SYNE2: variants seen among roughly 807,000 people sequenced by gnomAD.
The protein encoded by SYNE2 is spectrin repeat containing nuclear envelope protein 2.
In SYNE2, 431 loss-of-function variants were observed where a neutral mutation model predicts 856.3. That is an observed-to-expected ratio of 0.50 (90% confidence interval 0.47 to 0.55). The LOEUF is 0.55. Among genes scored for constraint, SYNE2 ranks in the 20% least tolerant of loss-of-function variants. The pLI is 0.00. For missense variants in SYNE2, 8,129 were observed against 8,023.2 expected (o/e 1.01, Z -0.50); for synonymous variants, 2,923 against 2,872.3 (o/e 1.02, Z -0.56).
At chr14:63,837,286 A>C (rs530767482) in intron 1 of SYNE2, among the ~76,000 whole-genome samples, 1 of 152,312 alleles carries the variant, frequency 6.6e-6, no homozygotes, top group East Asian at 1.9e-4. Context: ...CAATACACAA[A>C]AATTAACTGA....
rs919729451 is a variant in SYNE2, at chr14:63,867,704, A to G, written c.-52+14561A>G. On this transcript the variant is annotated intron_variant, in intron 1 of 115. Coordinates refer to ENST00000555002, the MANE Select transcript of SYNE2 (RefSeq NM_182914.3). ...CAGAGCGAGACTCTGTCTCAAAAAA[A>G]GAATAAAAAGAATAAAAAGAATGAA... 2.7e-4 allele frequency among the ~76,000 whole-genome samples: 39 copies of G among 144,310 alleles called. 1 individual carries two copies. The highest frequency in any genetic ancestry group is 9.3e-4 in the African/African-American group (38 of 40,848). 94.7% of individuals were successfully genotyped at this position (144,310 alleles called of 152,430 possible). A position where few individuals can be genotyped will look rare whatever the true frequency, so the allele number is the denominator to read the frequency against.
rs759636816 is a variant in SYNE2 at position 64,134,063 on chromosome 14, C to A, written c.14515-6C>A. 1 of 1,613,842 alleles carries A rather than the reference C, an allele frequency of 6.2e-7. No individual in the cohort carries two copies. Among genetic ancestry groups the A allele is most frequent in the East Asian group, 2.2e-5 (1 of 44,854 alleles). ...TTCCACTAATTTTATGTCCTTGATT[C>A]TCTAGAAATGGGAAGAATTTGATGA... is the stretch of plus-strand genomic sequence containing the variant. On this transcript the variant is annotated splice_region_variant and splice_polypyrimidine_tract_variant and intron_variant, in intron 77 of 115. Transcript: ENST00000555002.
chr14:64,189,932 G>C (rs1468152081), intron 98 of SYNE2, 139 bp from the exon 99 acceptor site: 3 of 945,044 alleles, frequency 3.2e-6, no homozygotes, highest in Non-Finnish European at 4.8e-6. Flanking sequence ...CAAACTGCTG[G>C]GATTATTGGT....
intron 1 of SYNE2, among the ~76,000 whole-genome samples, chr14:63,860,306 G>T (rs1440167614): frequency 6.6e-6 from 1 of 151,566 alleles, no homozygotes; most frequent in Non-Finnish European, 1.5e-5. Flanking sequence ...GTTCTGCAGG[G>T]TGCACTGCCT....
chr14:63,771,122 C>T (rs111292627), intron 1 of SYNE2, among the ~76,000 whole-genome samples: 4,441 of 139,550 alleles, frequency 0.032, 221 homozygotes, highest in African/African-American at 0.11. Context: ...CAGGCGGGAG[C>T]GCAGTGGCGC....
At chr14:63,882,741 GTTAC>G (rs1268942361) in intron 1 of SYNE2, among the ~76,000 whole-genome samples, 1 of 152,016 alleles carries the variant, frequency 6.6e-6, no homozygotes, top group Non-Finnish European at 1.5e-5. Flanking sequence ...CAAAAAAACA[GTTAC>G]TTGTGGAAAG....
chr14:63,837,614 A>G (rs962565886), intron 1 of SYNE2, among the ~76,000 whole-genome samples: 12 of 152,154 alleles, frequency 7.9e-5, no homozygotes, highest in Non-Finnish European at 1.6e-4. Flanking sequence ...AAACAATTCA[A>G]TTTAAAAAAT....
Position 64,122,108 on chromosome 14 carries a change from G to C in SYNE2, c.13255G>C (p.Asp4419His), listed in dbSNP as rs774059513. ...MWPQYCQHDNDTTQESSASNQ... is the reference protein window; with the variant it reads ...MWPQYCQHDNHTTQESSASNQ... ...GCCCCAGTATTGCCAACATGATAACGATACAACTCAGGAATCATCTGCAAG... is the reference window on the plus strand; with the variant it reads ...GCCCCAGTATTGCCAACATGATAACCATACAACTCAGGAATCATCTGCAAG... Residue 4419 changes from aspartate to histidine, a missense_variant, in exon 69 of 116, where the codon GAT (aspartate) becomes CAT (histidine). By Grantham distance (81) the Asp-to-His change is moderately conservative. Transcript: ENST00000555002. The C allele has an allele frequency of 2.5e-6, 4 of 1,614,062 alleles. No individual in the cohort carries two copies. The highest frequency in any genetic ancestry group is 1.7e-5 in the Admixed American group (1 of 60,028).
intron 66 of SYNE2, among the ~76,000 whole-genome samples, chr14:64,118,373 A>G (rs112969208): frequency 2.6e-5 from 4 of 152,294 alleles, no homozygotes; most frequent in African/African-American, 4.8e-5. Flanking sequence ...ATATTTTTAG[A>G]TTTGTGTGAA....
chr14:63,885,225 A>G (rs1399775477), intron 1 of SYNE2, among the ~76,000 whole-genome samples: 2 of 152,090 alleles, frequency 1.3e-5, no homozygotes, highest in African/African-American at 4.8e-5. Flanking sequence ...TCCAGAGCTC[A>G]CCATGGGGTT....
In SYNE2 at chr14:64,225,415, G is replaced by A; in HGVS notation, c.20613G>A (p.Leu6871=). 6.2e-7 allele frequency: 1 copy of A among 1,614,052 alleles called. No individual in the cohort carries two copies. Among genetic ancestry groups the A allele is most frequent in the Non-Finnish European group, 8.5e-7 (1 of 1,179,970 alleles). The part of the protein sequence containing the change: ...LQLLLLLLLL[L]ACLLPSSEED... ...TGCTCCTCCTGCTGCTGCTGCTCCT[G>A]GCCTGCCTGCTGCCCTCCTCCGAAG... is the stretch of plus-strand genomic sequence containing the variant. The change falls in exon 116 of 116, where the codon CTG becomes CTA. Residue 6871 remains leucine, a synonymous_variant. Transcript: ENST00000555002.
At position 64,156,539 on chromosome 14, in the gene SYNE2, ACTTCCAC is replaced by A. The variant is rs550146901; in HGVS notation, c.15793-2079_15793-2073del. ...AGTGGCATGATCTCAGCTCACTGCAACTTCCACCTTCCAGGTTCAAAAGATTCTCCTG... is the reference window on the plus strand; with the variant it reads ...AGTGGCATGATCTCAGCTCACTGCAACTTCCAGGTTCAAAAGATTCTCCTG... On this transcript the variant is annotated intron_variant, in intron 85 of 115. Coordinates refer to ENST00000555002, the MANE Select transcript of SYNE2 (RefSeq NM_182914.3). Among the ~76,000 whole-genome samples the A allele has an allele frequency of 2.3e-3, 342 of 151,852 alleles. 1 individual carries two copies. The highest frequency in any genetic ancestry group is 3.9e-3 in the Non-Finnish European group (262 of 67,944).
chr14:63,819,013 A>C (rs551594340), intron 1 of SYNE2, among the ~76,000 whole-genome samples: 2 of 151,278 alleles, frequency 1.3e-5, no homozygotes, highest in South Asian at 4.2e-4. Flanking sequence ...TTTTTTTTTC[A>C]ATATTGTACT....
chr14:64,190,639 GA>G, intron 99 of SYNE2: 1 of 701,920 alleles, frequency 1.4e-6, no homozygotes, highest in Non-Finnish European at 2.6e-6. Context: ...CTGGCTTCTG[GA>G]TGCTGGGGGC....
At chr14:63,805,980 C>T (rs1260663071) in intron 1 of SYNE2, among the ~76,000 whole-genome samples, 1 of 152,076 alleles carries the variant, frequency 6.6e-6, no homozygotes, top group African/African-American at 2.4e-5. Context: ...ATTTCTTTCT[C>T]TTGTCTAATG....
At chr14:64,129,644 A>G in intron 74 of SYNE2, 138 bp from the exon 75 acceptor site, 3 of 1,205,120 alleles carry the variant, frequency 2.5e-6, no homozygotes, top group South Asian at 2.7e-5. Context: ...TAAGGAGAGC[A>G]GGAGGTGAGG....
In SYNE2 at chr14:63,904,012, C is replaced by T. The variant is rs562437131; in HGVS notation, c.-51-5086C>T. Among the ~76,000 whole-genome samples, 9 of 152,174 alleles carry T rather than the reference C, an allele frequency of 5.9e-5. No individual in the cohort carries two copies. The South Asian group carries it at 1.0e-3, about 18-fold the overall frequency. Reference sequence around the variant, plus strand: ...CTGGAAGTCTGCAGTGTCTTTTGTTCCCATGTTTATGTCTATGTGTTCTCA... The same window carrying T: ...CTGGAAGTCTGCAGTGTCTTTTGTTTCCATGTTTATGTCTATGTGTTCTCA... On this transcript the variant is annotated intron_variant, in intron 1 of 115. Transcript: ENST00000555002.
At chr14:64,137,313 C>T (rs2098101724) in intron 78 of SYNE2, among the ~76,000 whole-genome samples, 1 of 152,238 alleles carries the variant, frequency 6.6e-6, no homozygotes, top group South Asian at 2.1e-4. Context: ...AATTCTCCTG[C>T]CTCAGCCTCC....
intron 1 of SYNE2, among the ~76,000 whole-genome samples, chr14:63,804,725 C>A (rs1888293837): frequency 6.6e-6 from 1 of 152,140 alleles, no homozygotes; most frequent in South Asian, 2.1e-4. Context: ...AACTCTCGAA[C>A]TCAGGTGATC....
Sources: gnomAD v4.1 joint callset for allele counts (sites outside exome capture counted in the v4.1 genomes callset) on GRCh38, gnomAD v4.1.1 for gene constraint, MANE v1.5 for transcripts, NCBI Gene and HGNC (gene_info 2026-07-23, HGNC 2026-07-21) for gene names.